SPMAP2: variants seen among roughly 807,000 people sequenced by gnomAD.
SPMAP2 encodes the protein sperm microtubule associated protein 2.
chr19:362,120 C>T, the SPMAP2 span: 3 of 1,142,598 alleles, frequency 2.6e-6, no homozygotes, highest in Non-Finnish European at 3.5e-6. Flanking sequence ...GCCCGCCCTC[C>T]CTTCTCCAGG....
the SPMAP2 span, among the ~76,000 whole-genome samples, chr19:370,404 C>T: frequency 4.6e-5 from 7 of 151,474 alleles, no homozygotes; most frequent in Admixed American, 2.0e-4. Flanking sequence ...GGCAGTGGCG[C>T]GATCTCGGCT....
chr19:370,623 G>T, the SPMAP2 span, among the ~76,000 whole-genome samples: 2 of 152,058 alleles, frequency 1.3e-5, no homozygotes, highest in African/African-American at 4.8e-5. Flanking sequence ...GTGCTGGGAT[G>T]ACAGGCGTGA....
At chr19:364,424 C>T in the SPMAP2 span, among the ~76,000 whole-genome samples, 1 of 151,742 alleles carries the variant, frequency 6.6e-6, no homozygotes, top group South Asian at 2.1e-4. Flanking sequence ...ACATGCCTGT[C>T]ATTCCAGCAC....
At chr19:373,161 G>C in the SPMAP2 span, among the ~76,000 whole-genome samples, 3 of 152,176 alleles carry the variant, frequency 2.0e-5, no homozygotes, top group Non-Finnish European at 4.4e-5. Context: ...TCATTTGAAG[G>C]TATCTATGAT....
At chr19:373,625 T>C in the SPMAP2 span, 10 of 1,203,844 alleles carry the variant, frequency 8.3e-6, no homozygotes, top group Non-Finnish European at 1.2e-5. Flanking sequence ...GTGGCCGAGG[T>C]GGGGTGTGGA....
the SPMAP2 span, chr19:371,408 G>GTGTC: frequency 1.7e-6 from 1 of 574,150 alleles, no homozygotes; most frequent in African/African-American, 1.9e-5. Context: ...GTGTGTGTAT[G>GTGTC]TGTCTGTCTG....
At chr19:370,894 G>A in the SPMAP2 span, among the ~76,000 whole-genome samples, 3 of 152,140 alleles carry the variant, frequency 2.0e-5, no homozygotes, top group Admixed American at 6.5e-5. Context: ...AGTGGTTGCC[G>A]GTGGCCAGGA....
the SPMAP2 span, chr19:375,567 C>T: frequency 7.6e-7 from 1 of 1,312,750 alleles, no homozygotes; most frequent in Non-Finnish European, 1.0e-6. Flanking sequence ...CGGTTACGAC[C>T]CTTTCGCCCG....
At chr19:373,099 A>G in the SPMAP2 span, among the ~76,000 whole-genome samples, 21 of 152,220 alleles carry the variant, frequency 1.4e-4, no homozygotes, top group African/African-American at 4.8e-4. Flanking sequence ...CAAGAACAGC[A>G]CAGGAGAGAA....
At chr19:374,641 G>A in the SPMAP2 span, 3 of 587,274 alleles carry the variant, frequency 5.1e-6, no homozygotes, top group Admixed American at 3.0e-5. Context: ...ACCCGTCCAG[G>A]TCACCTGTCT....
At chr19:362,533 T>C in the SPMAP2 span, 1 of 834,144 alleles carries the variant, frequency 1.2e-6, no homozygotes, top group Non-Finnish European at 1.8e-6. Flanking sequence ...TGTGGAAGGC[T>C]GAGGCAGGTG....
chr19:375,045 G>A, the SPMAP2 span, among the ~76,000 whole-genome samples: 10 of 152,274 alleles, frequency 6.6e-5, no homozygotes, highest in East Asian at 1.9e-4. Context: ...TGGGCGGCAC[G>A]GAAACCACGG....
the SPMAP2 span, chr19:373,947 G>C: frequency 6.2e-7 from 1 of 1,613,494 alleles, no homozygotes; most frequent in Non-Finnish European, 8.5e-7. Flanking sequence ...TACCAGCAGA[G>C]ACAGAAGTGC....
the SPMAP2 span, chr19:362,340 G>T: frequency 1.2e-6 from 2 of 1,610,720 alleles, no homozygotes; most frequent in Non-Finnish European, 1.7e-6. Context: ...ATGATCCGGG[G>T]GCTGGCCACC....
At chr19:374,339 G>A in the SPMAP2 span, 64 of 1,614,012 alleles carry the variant, frequency 4.0e-5, no homozygotes, top group Non-Finnish European at 5.0e-5. Flanking sequence ...GGCTCTGCCA[G>A]CTCCATGAGC....
At chr19:375,606 G>C in the SPMAP2 span, 1 of 1,461,498 alleles carries the variant, frequency 6.8e-7, no homozygotes. Context: ...TCCCCCCACT[G>C]CCAGGGGCTG....
the SPMAP2 span, among the ~76,000 whole-genome samples, chr19:363,672 T>C: frequency 2.6e-5 from 4 of 151,432 alleles, no homozygotes; most frequent in Non-Finnish European, 5.9e-5. Flanking sequence ...TAGCTGGGGC[T>C]ACAGGCGCCC....
At chr19:371,356 G>T in the SPMAP2 span, 2 of 1,260,744 alleles carry the variant, frequency 1.6e-6, no homozygotes, top group Non-Finnish European at 2.1e-6. Context: ...CCAGCAGCTC[G>T]GCCGGGGGTG....
the SPMAP2 span, chr19:371,236 C>T: frequency 1.1e-5 from 16 of 1,500,130 alleles, no homozygotes; most frequent in South Asian, 1.3e-5. Context: ...GAAGTTATCA[C>T]GAATCTTCGG....
Sources: gnomAD v4.1 joint callset for allele counts (sites outside exome capture counted in the v4.1 genomes callset) on GRCh38, gnomAD v4.1.1 for gene constraint, MANE v1.5 for transcripts, NCBI Gene and HGNC (gene_info 2026-07-23, HGNC 2026-07-21) for gene names.